The following L3MBTL4 variants were observed in gnomAD, a reference collection of about 807,000 sequenced individuals.
L3MBTL4 encodes L3MBTL histone methyl-lysine binding protein 4, also known as lethal(3)malignant brain tumor-like protein 4.
Under a neutral mutation model 84.5 loss-of-function variants are expected in L3MBTL4, and 70 were observed. The observed-to-expected ratio is 0.83, with a 90% CI of 0.68 to 1.01. The LOEUF (loss-of-function observed/expected upper bound fraction) is 1.01, where lower values mean the gene tolerates loss of function less well. Ranked by LOEUF, L3MBTL4 falls within the 50% of genes least tolerant of loss-of-function variation. The probability of loss-of-function intolerance (pLI) is 0.00; values close to 1 mark genes in which losing one functional copy is unlikely to be tolerated. For synonymous variants in L3MBTL4, 274 were observed against 259.8 expected (o/e 1.05, Z -0.52); for missense variants, 715 against 754.8 (o/e 0.95, Z 0.62).
intron 16 of L3MBTL4, among the ~76,000 whole-genome samples, chr18:6,055,774 CAG>C (rs2056999381): frequency 6.6e-6 from 1 of 152,146 alleles, no homozygotes; most frequent in Non-Finnish European, 1.5e-5. Flanking sequence ...GCCAGAGAAA[CAG>C]TGACTGAGTT....
At chr18:6,282,690 G>T (rs2049375329) in intron 4 of L3MBTL4, among the ~76,000 whole-genome samples, 1 of 152,142 alleles carries the variant, frequency 6.6e-6, no homozygotes, top group South Asian at 2.1e-4. Context: ...GCAAAGGAAA[G>T]GTAGGCAGGT....
At chr18:6,090,584 TTA>T (rs201137058) in intron 15 of L3MBTL4, among the ~76,000 whole-genome samples, 47 of 130,286 alleles carry the variant, frequency 3.6e-4, no homozygotes, top group South Asian at 3.3e-3. Flanking sequence ...TGTATATATA[TTA>T]TATATATACA....
chr18:6,103,328 C>A (rs1348488220), intron 14 of L3MBTL4, among the ~76,000 whole-genome samples: 1 of 152,104 alleles, frequency 6.6e-6, no homozygotes, highest in Non-Finnish European at 1.5e-5. Context: ...ATTGTTTTCA[C>A]CTTTTTAATT....
chr18:6,132,776 C>T (rs1171457520), intron 14 of L3MBTL4, among the ~76,000 whole-genome samples: 4 of 152,036 alleles, frequency 2.6e-5, no homozygotes, highest in Non-Finnish European at 5.9e-5. Flanking sequence ...TTCAGAGAAG[C>T]TGCTGGAACA....
intron 10 of L3MBTL4, among the ~76,000 whole-genome samples, chr18:6,234,964 A>G (rs997423159): frequency 6.6e-6 from 1 of 152,190 alleles, no homozygotes; most frequent in Non-Finnish European, 1.5e-5. Context: ...TGGCACATAT[A>G]CACCATGAAA....
intron 14 of L3MBTL4, among the ~76,000 whole-genome samples, chr18:6,126,259 C>G (rs1366764646): frequency 6.6e-6 from 1 of 152,092 alleles, no homozygotes; most frequent in Non-Finnish European, 1.5e-5. Context: ...TGACCATAGA[C>G]TAATCTTGTA....
intron 16 of L3MBTL4, among the ~76,000 whole-genome samples, chr18:5,994,439 T>C (rs1298190754): frequency 1.3e-5 from 2 of 152,220 alleles, no homozygotes; most frequent in African/African-American, 4.8e-5. Flanking sequence ...GCACTTACTA[T>C]GTACCTGCCA....
intron 12 of L3MBTL4, among the ~76,000 whole-genome samples, chr18:6,172,919 A>T (rs971114924): frequency 6.6e-6 from 1 of 152,202 alleles, no homozygotes; most frequent in Non-Finnish European, 1.5e-5. Context: ...TTCAGTCCCA[A>T]ATAAACTCCC....
chr18:6,004,996 A>ATTTTTTT (rs1567973105), intron 16 of L3MBTL4, among the ~76,000 whole-genome samples: 19 of 42,016 alleles, frequency 4.5e-4, no homozygotes, highest in South Asian at 7.5e-4. Context: ...TTAAGATGAT[A>ATTTTTTT]ATTTTTTTTT....
At chr18:6,305,450 A>G (rs867023291) in intron 3 of L3MBTL4, among the ~76,000 whole-genome samples, 1 of 152,232 alleles carries the variant, frequency 6.6e-6, no homozygotes, top group Non-Finnish European at 1.5e-5. Flanking sequence ...CTACACTGCT[A>G]TTAATGAACA....
intron 5 of L3MBTL4, among the ~76,000 whole-genome samples, chr18:6,262,417 T>C (rs184911114): frequency 1.5e-3 from 227 of 152,328 alleles, no homozygotes; most frequent in African/African-American, 5.2e-3. Flanking sequence ...GGAAAATCCC[T>C]TACCTTACTG....
chr18:6,257,948 A>G (rs936017567), intron 5 of L3MBTL4, among the ~76,000 whole-genome samples: 1 of 152,178 alleles, frequency 6.6e-6, no homozygotes, highest in African/African-American at 2.4e-5. Flanking sequence ...GCCGGGCTCT[A>G]AAAGGAAATG....
intron 13 of L3MBTL4, among the ~76,000 whole-genome samples, chr18:6,144,212 A>G (rs949727493): frequency 4.0e-5 from 6 of 149,996 alleles, no homozygotes; most frequent in Admixed American, 3.3e-4. Flanking sequence ...AAAAAAAAAA[A>G]AAAAAAAAGA....
At chr18:6,031,426 A>G (rs547692191) in intron 16 of L3MBTL4, 72 of 985,326 alleles carry the variant, frequency 7.3e-5, no homozygotes, top group Non-Finnish European at 8.0e-5. Context: ...CTGAACATTT[A>G]TAAGTTGCGA....
At chr18:6,365,703 C>T (rs2053905938) in intron 1 of L3MBTL4, among the ~76,000 whole-genome samples, 1 of 152,226 alleles carries the variant, frequency 6.6e-6, no homozygotes, top group African/African-American at 2.4e-5. Flanking sequence ...ATTGGCTCCA[C>T]AGTCCCTTCC....
At chr18:5,983,032 AC>A (rs2053306282) in intron 16 of L3MBTL4, among the ~76,000 whole-genome samples, 1 of 152,150 alleles carries the variant, frequency 6.6e-6, no homozygotes, top group Non-Finnish European at 1.5e-5. Context: ...TAAGTCTTTT[AC>A]TCCTACCATG....
chr18:6,278,237 A>T (rs1471897004), intron 4 of L3MBTL4, among the ~76,000 whole-genome samples: 2 of 152,062 alleles, frequency 1.3e-5, no homozygotes, highest in African/African-American at 4.8e-5. Flanking sequence ...ATGGTAAATA[A>T]TTTTTATTAT....
At chr18:6,251,614 C>T (rs960931198) in intron 5 of L3MBTL4, among the ~76,000 whole-genome samples, 1 of 152,148 alleles carries the variant, frequency 6.6e-6, no homozygotes, top group African/African-American at 2.4e-5. Flanking sequence ...GGTCTGGATG[C>T]TAGAATATTA....
chr18:6,379,840 T>A (rs1277036294), intron 1 of L3MBTL4, among the ~76,000 whole-genome samples: 3 of 152,192 alleles, frequency 2.0e-5, no homozygotes, highest in Non-Finnish European at 4.4e-5. Flanking sequence ...ATAAAATGAG[T>A]TAGGGAGGAT....
Sources: allele counts gnomAD v4.1 joint callset (sites outside exome capture counted in the v4.1 genomes callset), GRCh38; gene constraint gnomAD v4.1.1; transcripts MANE v1.5; gene names NCBI Gene and HGNC (gene_info 2026-07-23, HGNC 2026-07-21).